Variants in RHCE observed in about 807,000 individuals in gnomAD.
RHCE encodes the protein Rh blood group CcEe antigens.
In RHCE, 22 loss-of-function variants were observed where a neutral mutation model predicts 43.8. The ratio of observed to expected loss-of-function variants is 0.50; its 90% CI spans 0.36 to 0.72. RHCE has a LOEUF of 0.72. Among genes scored for constraint, RHCE ranks in the 30% least tolerant of loss-of-function variants. RHCE has a pLI of 0.00. For missense variants in RHCE, 385 were observed against 525.4 expected, an observed-to-expected ratio of 0.73 and a Z score of 2.61; for synonymous variants, 156 against 210.7, an observed-to-expected ratio of 0.74 and a Z score of 2.25.
rs1404905048 is a variant in RHCE at position 25,413,130 on chromosome 1, G to A, written c.149-4261C>T. On this transcript the variant is annotated intron_variant, in intron 1 of 9. Transcript: ENST00000294413. Reference sequence around the variant, plus strand: ...CCTGATTCCAGGTATATGCGCTCAGGGCCTTCCTCCCCAAGGCTCTACACT... The same window carrying A: ...CCTGATTCCAGGTATATGCGCTCAGAGCCTTCCTCCCCAAGGCTCTACACT... 1.3e-5 allele frequency among the ~76,000 whole-genome samples: 2 copies of A among 151,610 alleles called. 1 individual carries two copies. Among genetic ancestry groups the A allele is most frequent in the South Asian group, 4.2e-4 (2 of 4,784 alleles).
At chr1:25,386,845 ACACAC>A (rs1557613197) in intron 6 of RHCE, among the ~76,000 whole-genome samples, 17 of 71,592 alleles carry the variant, frequency 2.4e-4, no homozygotes, top group African/African-American at 6.3e-4. Flanking sequence ...ACAACAAAAC[ACACAC>A]ACACACACAC....
chr1:25,379,487 ATATATATATT>A (rs1235085590), intron 7 of RHCE, among the ~76,000 whole-genome samples: 4 of 20,962 alleles, frequency 1.9e-4, no homozygotes, highest in African/African-American at 3.4e-4. Context: ...ATATATATAT[ATATATATATT>A]TTTTTTTTTT....
At position 25,420,641 on chromosome 1, in the gene RHCE, T is replaced by C. The variant is rs371516112; in HGVS notation, c.146A>G (p.Gln49Arg). ...EDQKGLVASY[Q>R]VGQDLTVMAA... ...CCACTGTTCCAATGAACTCTCACCT[T>C]GATAGGATGCCACGAGCCCCTTTTG... Residue 49 changes from glutamine (Q) to arginine (R), a missense_variant and splice_region_variant, in exon 1 of 10, where the codon CAA (glutamine) becomes CGA (arginine). Physicochemically the swap from Gln to Arg is conservative, Grantham distance 43. Coordinates refer to ENST00000294413, the MANE Select transcript of RHCE (RefSeq NM_020485.8). 1.2e-6 allele frequency: 2 copies of C among 1,613,772 alleles called. No individual in the cohort carries two copies. Among genetic ancestry groups the C allele is most frequent in the African/African-American group, 2.7e-5 (2 of 74,884 alleles).
chr1:25,408,063 C>A (rs1285130086), intron 2 of RHCE, among the ~76,000 whole-genome samples: 1 of 122,756 alleles, frequency 8.1e-6, no homozygotes. Flanking sequence ...CGAGGCAGGC[C>A]GGTCACCTGA....
At chr1:25,422,885 C>T (rs541883027), upstream of RHCE, among the ~76,000 whole-genome samples, 49 of 152,256 alleles carry the variant, frequency 3.2e-4, no homozygotes, top group Admixed American at 2.4e-3. Context: ...CTCTCATGCG[C>T]GGTTCCCAAT....
intron 1 of RHCE, among the ~76,000 whole-genome samples, chr1:25,419,309 G>A (rs2124546497): frequency 6.6e-6 from 1 of 152,270 alleles, no homozygotes; most frequent in Non-Finnish European, 1.5e-5. Context: ...GAATTGTATT[G>A]GATTGAAATG....
intron 3 of RHCE, among the ~76,000 whole-genome samples, chr1:25,393,277 T>G (rs994674340): frequency 2.0e-5 from 3 of 152,108 alleles, no homozygotes; most frequent in African/African-American, 7.2e-5. Context: ...ATTTCCACCC[T>G]TGTCTTCCTG....
At position 25,392,188 on chromosome 1, in the gene RHCE, C is replaced by G. The variant is rs758794355; in HGVS notation, c.487-47G>C. On this transcript the variant is annotated intron_variant, in intron 3 of 9. Coordinates refer to ENST00000294413, the MANE Select transcript of RHCE (RefSeq NM_020485.8). ...GCAGTGAGTGTCGGCATCCTCTGCC[C>G]AGGGGAAAGCCCTGATGGTCCTTGG... is the stretch of plus-strand genomic sequence containing the variant. The G allele has an allele frequency of 2.5e-6, 4 of 1,613,690 alleles. No homozygotes were observed. In the South Asian group the frequency reaches 4.4e-5, roughly 18 times the overall value.
chr1:25,407,949 C>A (rs1300077586), intron 2 of RHCE, among the ~76,000 whole-genome samples: 3 of 123,594 alleles, frequency 2.4e-5, no homozygotes, highest in South Asian at 8.1e-4. Context: ...ATGGCTATTT[C>A]TTGTCTAGTA....
intron 7 of RHCE, among the ~76,000 whole-genome samples, chr1:25,377,529 G>A (rs1027719411): frequency 7.2e-5 from 11 of 151,974 alleles, no homozygotes; most frequent in Non-Finnish European, 4.4e-5. Context: ...AAAGAACTAA[G>A]CATAAAGGGA....
At position 25,408,844 on chromosome 1, in the gene RHCE, C is replaced by T. The variant is rs376364569; in HGVS notation, c.174G>A (p.Ala58=). The T allele has an allele frequency of 3.6e-5, 46 of 1,282,998 alleles. 15 individuals are homozygous for T. In the East Asian group the frequency reaches 9.6e-4, roughly 27 times the overall value. The allele number at this position is 1,282,998 out of a possible 1,614,324, so 79.5% of individuals were successfully genotyped here. A position where few individuals can be genotyped will look rare whatever the true frequency, so the allele number is the denominator to read the frequency against. The change falls in exon 2 of 10, where the codon GCG becomes GCA. Residue 58 remains alanine (A), a synonymous_variant. Coordinates refer to ENST00000294413, the MANE Select transcript of RHCE (RefSeq NM_020485.8). ...YQVGQDLTVM[A]ALGLGFLTSN... is the part of the protein sequence containing the mutation. ...AGGTGAGGAAGCCCAAGCCAAGGGCCGCCATCACGGTCAGATCTTGGCCGA... is the reference window on the plus strand; with the variant it reads ...AGGTGAGGAAGCCCAAGCCAAGGGCTGCCATCACGGTCAGATCTTGGCCGA...
At chr1:25,379,493 ATATTTTTTTTTT>A (rs1261794777) in intron 7 of RHCE, among the ~76,000 whole-genome samples, 15 of 17,890 alleles carry the variant, frequency 8.4e-4, no homozygotes, top group African/African-American at 6.5e-3. Flanking sequence ...ATATATATAT[ATATTTTTTTTTT>A]TTTTTTTTTT....
intron 8 of RHCE, among the ~76,000 whole-genome samples, chr1:25,372,400 TC>T (rs1284322150): frequency 3.3e-5 from 5 of 151,276 alleles, no homozygotes; most frequent in Non-Finnish European, 1.5e-5. Context: ...ATGCCTGTAA[TC>T]CCAGCTACTC....
At chr1:25,371,812 A>T (rs1239210205) in intron 8 of RHCE, among the ~76,000 whole-genome samples, 1 of 151,504 alleles carries the variant, frequency 6.6e-6, no homozygotes, top group Non-Finnish European at 1.5e-5. Context: ...TGATAGATTT[A>T]TCTGTGTATT....
intron 1 of RHCE, among the ~76,000 whole-genome samples, chr1:25,418,724 A>G (rs1458641724): frequency 3.9e-5 from 6 of 152,238 alleles, no homozygotes; most frequent in Non-Finnish European, 5.9e-5. Flanking sequence ...CCTTTGTCCC[A>G]CAGGTAATTC....
chr1:25,371,558 AGACGG>A (rs2124310566), intron 8 of RHCE, among the ~76,000 whole-genome samples: 1 of 151,004 alleles, frequency 6.6e-6, no homozygotes, highest in South Asian at 2.1e-4. Flanking sequence ...TTTTTTGCAG[AGACGG>A]GGTTTAGCCA....
chr1:25,389,875 C>T (rs1446509548), intron 5 of RHCE, among the ~76,000 whole-genome samples: 1 of 152,102 alleles, frequency 6.6e-6, no homozygotes, highest in Non-Finnish European at 1.5e-5. Context: ...TCAGCTCTCA[C>T]CTAGGTTTAG....
At chr1:25,393,929 C>T (rs920209400) in intron 3 of RHCE, among the ~76,000 whole-genome samples, 16 of 152,144 alleles carry the variant, frequency 1.1e-4, no homozygotes, top group African/African-American at 3.4e-4. Flanking sequence ...GCCTTGTCTG[C>T]AGAGGGTGTC....
intron 1 of RHCE, among the ~76,000 whole-genome samples, chr1:25,416,232 C>T (rs914854544): frequency 3.3e-5 from 5 of 152,032 alleles, no homozygotes; most frequent in African/African-American, 1.2e-4. Flanking sequence ...CATGTTGCAA[C>T]TAATGGCAGG....
Sources: gnomAD v4.1 joint callset for allele counts (sites outside exome capture counted in the v4.1 genomes callset) on GRCh38, gnomAD v4.1.1 for gene constraint, MANE v1.5 for transcripts, NCBI Gene and HGNC (gene_info 2026-07-23, HGNC 2026-07-21) for gene names.